The following SELENOF variants were observed in gnomAD, a reference collection of about 807,000 sequenced individuals.
SELENOF encodes the protein selenoprotein F.
SELENOF carries 16 observed loss-of-function variants against 20.5 expected under a neutral mutation model. That is an observed-to-expected ratio of 0.78 (90% CI 0.53 to 1.19). The LOEUF (loss-of-function observed/expected upper bound fraction) is 1.19. Among genes scored for constraint, SELENOF ranks in the 50% most tolerant of loss-of-function variants. The probability of loss-of-function intolerance (pLI) is 0.00; values close to 1 mark genes in which losing one functional copy is unlikely to be tolerated. For synonymous variants in SELENOF, 78 were observed against 74.5 expected (o/e 1.05, Z -0.24); for missense variants, 215 against 194.2 (o/e 1.11, Z -0.64).
At chr1:86,901,485 G>A (rs1227005881) in intron 2 of SELENOF, among the ~76,000 whole-genome samples, 1 of 149,964 alleles carries the variant, frequency 6.7e-6, no homozygotes, top group African/African-American at 2.4e-5. Context: ...CTAATAAAAA[G>A]TACATCTTAG....
At chr1:86,897,215 A>G (rs483730) in intron 2 of SELENOF, among the ~76,000 whole-genome samples, 39,363 of 152,010 alleles carry the variant, frequency 0.26, 6,280 homozygotes, top group African/African-American at 0.45. Context: ...TGAACCCAGA[A>G]GGTGGAGGTT....
intron 4 of SELENOF, among the ~76,000 whole-genome samples, chr1:86,866,897 C>T (rs1658612234): frequency 6.6e-6 from 1 of 152,210 alleles, no homozygotes; most frequent in Non-Finnish European, 1.5e-5. Context: ...GACAGTTTTG[C>T]AGTTTCTTAC....
At chr1:86,898,270 G>T (rs1356640528) in intron 2 of SELENOF, among the ~76,000 whole-genome samples, 1 of 152,146 alleles carries the variant, frequency 6.6e-6, no homozygotes, top group Non-Finnish European at 1.5e-5. Context: ...GGTCTTTTAT[G>T]ATCAAAACTG....
At chr1:86,873,990 C>A (rs1211403198) in intron 3 of SELENOF, among the ~76,000 whole-genome samples, 4 of 151,846 alleles carry the variant, frequency 2.6e-5, no homozygotes, top group East Asian at 3.9e-4. Flanking sequence ...CAATTTTCTT[C>A]TCTACCATTA....
Position 86,880,726 on chromosome 1 carries a change from C to A in SELENOF, c.253-1G>T. The A allele has an allele frequency of 6.4e-7, 1 of 1,562,736 alleles. No homozygotes were observed. The highest frequency in any genetic ancestry group is 2.3e-5 in the East Asian group (1 of 43,548). ...CTTCAAGAATAGCTCCTGCATACAG[C>A]TACAAAAGGAAAAACAGGAATTTAA... On this transcript the variant is annotated splice_acceptor_variant, in intron 2 of 4. Coordinates refer to ENST00000331835, the MANE Select transcript of SELENOF (RefSeq NM_004261.5). LOFTEE classifies it high-confidence loss of function.
rs576820142 is a variant in SELENOF, at chr1:86,885,985, G to A, written c.253-5260C>T. ...TATTGGTTAAGTTCAAGTTGTGTAC[G>A]TGAGGCCATTATCATGTCTACTTAA... On this transcript the variant is annotated intron_variant, in intron 2 of 4. Coordinates refer to ENST00000331835, the MANE Select transcript of SELENOF (RefSeq NM_004261.5). Among the ~76,000 whole-genome samples, 11 of 152,240 alleles carry A rather than the reference G, an allele frequency of 7.2e-5. No individual in the cohort carries two copies. The South Asian group carries it at 2.3e-3, about 32-fold the overall frequency.
chr1:86,868,350 T>C (rs1570371250), intron 3 of SELENOF, among the ~76,000 whole-genome samples: 3 of 152,180 alleles, frequency 2.0e-5, no homozygotes, highest in South Asian at 2.1e-4. Context: ...ACAAAAGTGA[T>C]AGACAGTACA....
In SELENOF at chr1:86,906,925, CTG is replaced by C. The variant is rs375687215; in HGVS notation, c.85-3479_85-3478del. ...AATAAGAGTGAAATCACTTTGGAAA[CTG>C]TGAACTCGTTAACAAACGTATAAAA... On this transcript the variant is annotated intron_variant, in intron 1 of 4. Transcript: ENST00000331835. 6.6e-5 allele frequency among the ~76,000 whole-genome samples: 10 copies of C among 152,336 alleles called. No homozygotes were observed. In the South Asian group the frequency reaches 2.1e-3, roughly 32 times the overall value.
intron 2 of SELENOF, among the ~76,000 whole-genome samples, chr1:86,897,365 A>G (rs922808627): frequency 1.3e-5 from 2 of 152,162 alleles, no homozygotes; most frequent in African/African-American, 2.4e-5. Flanking sequence ...TAGATATAAT[A>G]TAGTGTAAAT....
At position 86,914,046 on chromosome 1, in the gene SELENOF, C is replaced by T. The variant is rs112596021; in HGVS notation, c.66G>A (p.Leu22=). ...CACTCACCGCTTGAAGCACAGTCGC[C>T]AACAACAACCGTAGCCCAAACGCCG... ...LVPAFGLRLL[L]ATVLQAVSAF... The change falls in exon 1 of 5, where the codon TTG becomes TTA. Residue 22 remains leucine (L), a synonymous_variant. Transcript: ENST00000331835. 1 of 1,613,806 alleles carries T rather than the reference C, an allele frequency of 6.2e-7. No homozygotes were observed. Among genetic ancestry groups the T allele is most frequent in the Non-Finnish European group, 8.5e-7 (1 of 1,179,862 alleles).
intron 2 of SELENOF, among the ~76,000 whole-genome samples, chr1:86,899,160 A>C (rs1305967883): frequency 1.3e-5 from 2 of 151,294 alleles, no homozygotes; most frequent in Non-Finnish European, 2.9e-5. Flanking sequence ...TACAGAACAA[A>C]ATGAAAAGTC....
intron 2 of SELENOF, among the ~76,000 whole-genome samples, chr1:86,902,263 A>G (rs976026178): frequency 6.6e-6 from 1 of 152,212 alleles, no homozygotes; most frequent in Non-Finnish European, 1.5e-5. Context: ...GTGAACCAGT[A>G]AAGTGAAAAA....
At chr1:86,877,500 T>C (rs969804279) in intron 3 of SELENOF, among the ~76,000 whole-genome samples, 1 of 152,218 alleles carries the variant, frequency 6.6e-6, no homozygotes, top group African/African-American at 2.4e-5. Context: ...GAATGACATA[T>C]CTTGGGGATA....
In SELENOF at chr1:86,899,831, C is replaced by G. The variant is rs1302168123; in HGVS notation, c.252+3450G>C. Among the ~76,000 whole-genome samples the G allele has an allele frequency of 3.6e-5, 5 of 137,266 alleles. 1 individual carries two copies. Among genetic ancestry groups the G allele is most frequent in the African/African-American group, 1.1e-4 (4 of 36,512 alleles). The allele number at this position is 137,266 out of a possible 152,430, so 90.1% of individuals were successfully genotyped here. On this transcript the variant is annotated intron_variant, in intron 2 of 4. Transcript: ENST00000331835. Reference sequence around the variant, plus strand: ...GCGGAGGGGCTCCTCACTTCTCAGACGGGGCGGTTGCCAGGCGGAGGGTCT... The same window carrying G: ...GCGGAGGGGCTCCTCACTTCTCAGAGGGGGCGGTTGCCAGGCGGAGGGTCT...
intron 2 of SELENOF, among the ~76,000 whole-genome samples, chr1:86,902,869 T>A (rs990961295): frequency 2.6e-5 from 4 of 152,244 alleles, no homozygotes; most frequent in Admixed American, 2.6e-4. Context: ...AGATTTCATG[T>A]TACAATTTAT....
At chr1:86,871,765 G>A (rs1284379094) in intron 3 of SELENOF, among the ~76,000 whole-genome samples, 1 of 152,050 alleles carries the variant, frequency 6.6e-6, no homozygotes, top group East Asian at 1.9e-4. Context: ...AATAACGATG[G>A]TGAATTTTAA....
intron 1 of SELENOF, among the ~76,000 whole-genome samples, chr1:86,913,245 T>G (rs937493344): frequency 6.6e-6 from 1 of 152,026 alleles, no homozygotes; most frequent in African/African-American, 2.4e-5. Flanking sequence ...TAAGCTAGGA[T>G]AAAAAAACGT....
At chr1:86,910,352 T>A (rs1245588929) in intron 1 of SELENOF, among the ~76,000 whole-genome samples, 1 of 152,136 alleles carries the variant, frequency 6.6e-6, no homozygotes, top group Non-Finnish European at 1.5e-5. Flanking sequence ...TAAGTTAGGA[T>A]GTTCCATCCT....
At chr1:86,879,542 A>G (rs1353003776) in intron 3 of SELENOF, among the ~76,000 whole-genome samples, 1 of 152,234 alleles carries the variant, frequency 6.6e-6, no homozygotes, top group Non-Finnish European at 1.5e-5. Context: ...TAATACAGGC[A>G]ATGTTATAAA....
Sources: allele counts gnomAD v4.1 joint callset (sites outside exome capture counted in the v4.1 genomes callset), GRCh38; gene constraint gnomAD v4.1.1; transcripts MANE v1.5; gene names NCBI Gene and HGNC (gene_info 2026-07-23, HGNC 2026-07-21).